Variants in GLIS3 observed in about 807,000 individuals in gnomAD.
GLIS3 encodes zinc finger protein GLIS3.
A neutral mutation model predicts 78.6 loss-of-function variants in GLIS3; 53 were observed. The observed-to-expected ratio is 0.67, with a 90% CI of 0.54 to 0.85. The LOEUF is 0.85. Ranked by LOEUF, GLIS3 falls within the 40% of genes least tolerant of loss-of-function variation. The pLI is 0.00. For synonymous variants in GLIS3, 684 were observed against 509.9 expected, an observed-to-expected ratio of 1.34 and a Z score of -4.60; for missense variants, 1,703 against 1,231.1, an observed-to-expected ratio of 1.38 and a Z score of -5.74.
At chr9:3,939,946 G>A (rs1339791988) in intron 4 of GLIS3, among the ~76,000 whole-genome samples, 1 of 152,198 alleles carries the variant, frequency 6.6e-6, no homozygotes, top group Non-Finnish European at 1.5e-5. Context: ...AGTGTGCAGG[G>A]CACTACACCT....
At chr9:4,210,519 C>G (rs1453627166) in intron 2 of GLIS3, among the ~76,000 whole-genome samples, 2 of 152,184 alleles carry the variant, frequency 1.3e-5, no homozygotes, top group African/African-American at 2.4e-5. Flanking sequence ...ATCCAGCAAG[C>G]TATTTATGAC....
the GLIS3 span, among the ~76,000 whole-genome samples, chr9:4,383,224 A>G: frequency 6.6e-6 from 1 of 152,236 alleles, no homozygotes; most frequent in Admixed American, 6.5e-5. Context: ...ATTCTGTAGA[A>G]CAAGTTTCAG....
At chr9:4,076,007 T>C (rs1013438888) in intron 4 of GLIS3, among the ~76,000 whole-genome samples, 15 of 152,192 alleles carry the variant, frequency 9.9e-5, no homozygotes, top group African/African-American at 3.6e-4. Context: ...AAATTAGTAC[T>C]TTGTGAGGTG....
At chr9:3,891,438 A>G (rs1168632852) in intron 7 of GLIS3, among the ~76,000 whole-genome samples, 1 of 152,238 alleles carries the variant, frequency 6.6e-6, no homozygotes, top group Non-Finnish European at 1.5e-5. Context: ...GCCATGGTTC[A>G]TGCTTGTAAT....
At chr9:4,089,173 C>T (rs1829289521) in intron 4 of GLIS3, among the ~76,000 whole-genome samples, 1 of 152,182 alleles carries the variant, frequency 6.6e-6, no homozygotes, top group African/African-American at 2.4e-5. Context: ...TCTGTCTCAA[C>T]TGCAGTGTGG....
chr9:3,895,467 G>C (rs569778687), intron 7 of GLIS3, among the ~76,000 whole-genome samples: 1 of 152,330 alleles, frequency 6.6e-6, no homozygotes, highest in South Asian at 2.1e-4. Context: ...TTTCAGAATA[G>C]TAGACAAGTA....
chr9:3,932,606 T>C (rs1422990850), intron 5 of GLIS3, 136 bp from the exon 6 acceptor site: 8 of 692,788 alleles, frequency 1.2e-5, no homozygotes, highest in Non-Finnish European at 5.2e-6. Context: ...CTAATACTCA[T>C]GCATTTTAAT....
At chr9:4,271,271 T>C (rs1263242869) in intron 2 of GLIS3, among the ~76,000 whole-genome samples, 1 of 152,180 alleles carries the variant, frequency 6.6e-6, no homozygotes, top group Non-Finnish European at 1.5e-5. Context: ...ACATACAAAA[T>C]ACATGTTAAT....
chr9:4,089,551 T>G (rs1415026171), intron 4 of GLIS3, among the ~76,000 whole-genome samples: 1 of 152,146 alleles, frequency 6.6e-6, no homozygotes, highest in African/African-American at 2.4e-5. Context: ...ATTGGCCATG[T>G]GTAGTGGCTC....
intron 4 of GLIS3, among the ~76,000 whole-genome samples, chr9:4,106,753 C>T (rs1035426311): frequency 1.3e-5 from 2 of 152,154 alleles, no homozygotes; most frequent in Non-Finnish European, 2.9e-5. Flanking sequence ...CACCAAATTT[C>T]TGTGCACAAT....
chr9:4,018,629 T>A (rs1484905003), intron 4 of GLIS3, among the ~76,000 whole-genome samples: 1 of 152,026 alleles, frequency 6.6e-6, no homozygotes, highest in African/African-American at 2.4e-5. Context: ...AGTTTCCAAA[T>A]CAAAGGAGCA....
At chr9:3,831,693 C>T (rs933561404) in intron 9 of GLIS3, among the ~76,000 whole-genome samples, 14 of 152,120 alleles carry the variant, frequency 9.2e-5, no homozygotes, top group Non-Finnish European at 2.1e-4. Flanking sequence ...CGCTAGTGAT[C>T]AAAACAGAAA....
At position 4,321,409 on chromosome 9, in the gene GLIS3, T is replaced by C. The variant is rs189149859; in HGVS notation, n.265-10881A>G. On this transcript the variant is annotated intron_variant and non_coding_transcript_variant, in intron 2 of 4. Coordinates refer to the GLIS3 transcript ENST00000471664. Reference sequence around the variant, plus strand: ...TGCACTCCAGCCTGGGCCACAGAGCTAGACTCCGTCTCAAAAAAAAAAAAA... The same window carrying C: ...TGCACTCCAGCCTGGGCCACAGAGCCAGACTCCGTCTCAAAAAAAAAAAAA... 4.4e-4 allele frequency among the ~76,000 whole-genome samples: 29 copies of C among 65,404 alleles called. 1 individual carries two copies. The highest frequency in any genetic ancestry group is 9.2e-4 in the African/African-American group (8 of 8,714). The allele number at this position is 65,404 out of a possible 152,430, so 42.9% of individuals were successfully genotyped here. A position where few individuals can be genotyped will look rare whatever the true frequency, so the allele number is the denominator to read the frequency against.
intron 4 of GLIS3, among the ~76,000 whole-genome samples, chr9:4,106,294 C>T (rs1382775565): frequency 1.3e-5 from 2 of 152,146 alleles, no homozygotes; most frequent in Non-Finnish European, 2.9e-5. Context: ...ATACGTGACG[C>T]CTCCTAATTA....
At chr9:4,443,357 A>C in the GLIS3 span, among the ~76,000 whole-genome samples, 6 of 152,334 alleles carry the variant, frequency 3.9e-5, no homozygotes, top group Admixed American at 3.9e-4. Context: ...GTTAAAATAT[A>C]AATCTACTTT....
At chr9:4,380,699 T>G in the GLIS3 span, among the ~76,000 whole-genome samples, 2 of 152,186 alleles carry the variant, frequency 1.3e-5, no homozygotes. Context: ...TGAGAAACAC[T>G]GGTCATTACC....
At chr9:4,068,124 A>T (rs574864935) in intron 4 of GLIS3, among the ~76,000 whole-genome samples, 44 of 152,308 alleles carry the variant, frequency 2.9e-4, no homozygotes, top group Admixed American at 1.4e-3. Flanking sequence ...GGCTGGTAGT[A>T]AGCATGAATT....
intron 2 of GLIS3, among the ~76,000 whole-genome samples, chr9:4,318,728 C>T (rs188965269): frequency 2.0e-5 from 3 of 152,250 alleles, no homozygotes. Flanking sequence ...AAATCACAAA[C>T]TTGCAGCCTC....
chr9:4,120,870 G>T (rs544196280), intron 3 of GLIS3, among the ~76,000 whole-genome samples: 1 of 152,136 alleles, frequency 6.6e-6, no homozygotes, highest in East Asian at 1.9e-4. Context: ...TTATAAAATT[G>T]TATTATTTGG....
Sources: allele counts gnomAD v4.1 joint callset (sites outside exome capture counted in the v4.1 genomes callset), GRCh38; gene constraint gnomAD v4.1.1; transcripts MANE v1.5; gene names NCBI Gene and HGNC (gene_info 2026-07-23, HGNC 2026-07-21).